CNTNAP2: variants seen among roughly 807,000 people sequenced by gnomAD.
CNTNAP2 encodes contactin associated protein 2.
A neutral mutation model predicts 155.2 loss-of-function variants in CNTNAP2; 98 were observed. The observed-to-expected ratio is 0.63, with a 90% CI of 0.54 to 0.75. The LOEUF is 0.75. Ranked by LOEUF, CNTNAP2 falls within the 30% of genes least tolerant of loss-of-function variation. CNTNAP2 has a pLI of 0.00. For missense variants in CNTNAP2, 1,727 were observed against 1,688.1 expected (o/e 1.02, Z -0.40); for synonymous variants, 651 against 631.2 (o/e 1.03, Z -0.47).
intron 14 of CNTNAP2, among the ~76,000 whole-genome samples, chr7:147,919,974 C>A (rs1283324838): frequency 6.6e-6 from 1 of 151,968 alleles, no homozygotes; most frequent in African/African-American, 2.4e-5. Flanking sequence ...GTGGTGATGT[C>A]ATCAAAAAGA....
At chr7:146,855,852 T>TATATAC (rs1554401384) in intron 3 of CNTNAP2, among the ~76,000 whole-genome samples, 76 of 100,004 alleles carry the variant, frequency 7.6e-4, no homozygotes, top group Admixed American at 1.1e-3. Context: ...TATATATATA[T>TATATAC]ACACACTTAC....
chr7:148,080,815 T>TG (rs1317175812), intron 15 of CNTNAP2, among the ~76,000 whole-genome samples: 1 of 152,126 alleles, frequency 6.6e-6, no homozygotes, highest in Non-Finnish European at 1.5e-5. Flanking sequence ...AAATCTCAAA[T>TG]GTCAACATAC....
chr7:146,943,297 G>T, intron 3 of CNTNAP2, among the ~76,000 whole-genome samples: 1 of 152,138 alleles, frequency 6.6e-6, no homozygotes, highest in East Asian at 1.9e-4. Flanking sequence ...TTCGAGACCA[G>T]CCTGGCCAAC....
intron 13 of CNTNAP2, among the ~76,000 whole-genome samples, chr7:147,711,872 C>T (rs1006826860): frequency 2.0e-5 from 3 of 152,138 alleles, no homozygotes; most frequent in Admixed American, 1.3e-4. Flanking sequence ...GACACTACTT[C>T]AGAATAATCA....
intron 1 of CNTNAP2, among the ~76,000 whole-genome samples, chr7:146,692,329 A>C (rs779429840): frequency 1.3e-5 from 2 of 152,152 alleles, no homozygotes; most frequent in African/African-American, 2.4e-5. Flanking sequence ...AAAAACCTTT[A>C]AAACTTATAC....
At chr7:147,863,990 G>A (rs933126252) in intron 13 of CNTNAP2, among the ~76,000 whole-genome samples, 12 of 152,100 alleles carry the variant, frequency 7.9e-5, no homozygotes, top group African/African-American at 2.9e-4. Context: ...TTTTAGACAT[G>A]AAGTCCTTGC....
chr7:146,761,795 A>G (rs1802106066), intron 1 of CNTNAP2, among the ~76,000 whole-genome samples: 1 of 150,766 alleles, frequency 6.6e-6, no homozygotes, highest in Non-Finnish European at 1.5e-5. Context: ...ATTTTTCTCT[A>G]GAAGACAAGC....
chr7:146,307,835 T>C (rs1170620479), intron 1 of CNTNAP2, among the ~76,000 whole-genome samples: 2 of 152,050 alleles, frequency 1.3e-5, no homozygotes, highest in African/African-American at 4.8e-5. Flanking sequence ...TAATTCAAGA[T>C]GGATTAAAGA....
At chr7:148,243,207 C>T (rs1408889077) in intron 20 of CNTNAP2, among the ~76,000 whole-genome samples, 1 of 152,180 alleles carries the variant, frequency 6.6e-6, no homozygotes, top group Non-Finnish European at 1.5e-5. Context: ...GATCTGACTC[C>T]TGGTCTCCTG....
intron 13 of CNTNAP2, among the ~76,000 whole-genome samples, chr7:147,898,961 C>A (rs530236321): frequency 3.5e-5 from 3 of 85,994 alleles, no homozygotes; most frequent in South Asian, 6.8e-4. Context: ...TCACATATTG[C>A]AAAATGTCTT....
rs1482727001 is a variant in CNTNAP2, at chr7:148,419,087, TC to T, written c.*3472del. Reference sequence around the variant, plus strand: ...TCTTTCCTTCTATGATGGAATCTGTTCTTTTCTATCCTACTTTTTTCTCTCT... The same window carrying T: ...TCTTTCCTTCTATGATGGAATCTGTTTTTTCTATCCTACTTTTTTCTCTCT... On this transcript the variant is annotated 3_prime_UTR_variant, in exon 24 of 24. Transcript: ENST00000361727. 6.6e-6 allele frequency: 1 copy of T among 152,244 alleles called. No individual in the cohort carries two copies. The highest frequency in any genetic ancestry group is 2.4e-5 in the African/African-American group (1 of 41,442). The allele number at this position is 152,244 out of a possible 1,614,324, so 9.4% of individuals were successfully genotyped here.
chr7:146,665,674 G>A (rs981335170), intron 1 of CNTNAP2, among the ~76,000 whole-genome samples: 3 of 150,996 alleles, frequency 2.0e-5, no homozygotes, highest in African/African-American at 4.9e-5. Context: ...CCAGCTACTC[G>A]GGAGGCTGAG....
chr7:148,025,879 T>C (rs897052543), intron 15 of CNTNAP2, among the ~76,000 whole-genome samples: 7 of 152,220 alleles, frequency 4.6e-5, no homozygotes, highest in African/African-American at 1.7e-4. Flanking sequence ...ACAAGTATTT[T>C]TGGAAATAAT....
chr7:146,937,790 T>A (rs1307132260), intron 3 of CNTNAP2, among the ~76,000 whole-genome samples: 1 of 152,172 alleles, frequency 6.6e-6, no homozygotes, highest in Non-Finnish European at 1.5e-5. Flanking sequence ...TAATAAGAGT[T>A]TATTCAAGCA....
intron 1 of CNTNAP2, among the ~76,000 whole-genome samples, chr7:146,470,485 A>G (rs1796781443): frequency 6.6e-6 from 1 of 151,906 alleles, no homozygotes; most frequent in Admixed American, 6.6e-5. Context: ...TTGCCCAGAT[A>G]TTGCCTCTTC....
intron 3 of CNTNAP2, among the ~76,000 whole-genome samples, chr7:146,983,048 A>C (rs538056390): frequency 6.6e-6 from 1 of 152,322 alleles, no homozygotes; most frequent in Non-Finnish European, 1.5e-5. Context: ...CATAATGTAC[A>C]CTGATAGTTT....
intron 13 of CNTNAP2, among the ~76,000 whole-genome samples, chr7:147,813,433 C>T (rs1798213842): frequency 6.6e-6 from 1 of 152,158 alleles, no homozygotes; most frequent in African/African-American, 2.4e-5. Context: ...GGAGAGGAAA[C>T]TAATTGAAGC....
intron 1 of CNTNAP2, among the ~76,000 whole-genome samples, chr7:146,742,745 T>C (rs1008933737): frequency 6.6e-6 from 1 of 152,202 alleles, no homozygotes; most frequent in Admixed American, 6.5e-5. Flanking sequence ...AGATGACTGA[T>C]ATACACAGTT....
At chr7:146,994,418 G>A (rs1021281392) in intron 3 of CNTNAP2, among the ~76,000 whole-genome samples, 12 of 152,116 alleles carry the variant, frequency 7.9e-5, no homozygotes, top group Admixed American at 7.9e-4. Flanking sequence ...AAGACGTGAT[G>A]AATTCTTAAG....
Sources: gnomAD v4.1 joint callset for allele counts (sites outside exome capture counted in the v4.1 genomes callset) on GRCh38, gnomAD v4.1.1 for gene constraint, MANE v1.5 for transcripts, NCBI Gene and HGNC (gene_info 2026-07-23, HGNC 2026-07-21) for gene names.